The following SOX5 variants were observed in gnomAD, a reference collection of about 807,000 sequenced individuals.
SOX5 encodes transcription factor SOX-5.
In SOX5, 9 loss-of-function variants were observed where a neutral mutation model predicts 92.0. The ratio of observed to expected loss-of-function variants is 0.10; its 90% CI spans 0.06 to 0.17. The LOEUF is 0.17. Among genes scored for constraint, SOX5 ranks in the 10% least tolerant of loss-of-function variants. SOX5 has a pLI of 1.00. For synonymous variants in SOX5, 344 were observed against 336.3 expected, an observed-to-expected ratio of 1.02 and a Z score of -0.25; for missense variants, 642 against 944.5, an observed-to-expected ratio of 0.68 and a Z score of 4.20.
chr12:23,555,318 G>T (rs891684333), intron 11 of SOX5, among the ~76,000 whole-genome samples: 4 of 151,878 alleles, frequency 2.6e-5, no homozygotes, highest in Non-Finnish European at 5.9e-5. Flanking sequence ...GAGGCCTGTG[G>T]GTGTCTCTCT....
Position 24,245,687 on chromosome 12 carries a change from C to T in SOX5, c.-77+31529G>A, listed in dbSNP as rs572905850. 3.5e-4 allele frequency among the ~76,000 whole-genome samples: 54 copies of T among 152,138 alleles called. No homozygotes were observed. In the South Asian group the frequency reaches 0.011, roughly 30 times the overall value. ...ATGGCCCATGTCTAGAATTGGTTTA[C>T]GTGAAAATTAGCTAATTTTTAACAA... On this transcript the variant is annotated intron_variant, in intron 3 of 4. Coordinates refer to the SOX5 transcript ENST00000446891.
chr12:24,033,504 G>A (rs568259325), intron 4 of SOX5, among the ~76,000 whole-genome samples: 1 of 151,982 alleles, frequency 6.6e-6, no homozygotes, highest in East Asian at 1.9e-4. Context: ...ATTTTTTAAA[G>A]TTACAATTTT....
intron 6 of SOX5, among the ~76,000 whole-genome samples, chr12:23,673,991 C>A (rs900733894): frequency 6.6e-6 from 1 of 151,972 alleles, no homozygotes; most frequent in African/African-American, 2.4e-5. Context: ...TTCACTAATA[C>A]CTGAAGCAGG....
Position 23,791,674 on chromosome 12 carries a change from A to G in SOX5, c.482-35950T>C, listed in dbSNP as rs553907306. ...ACTACCACTTTAACCAATAAAAAAAATCAGAGAAGATGAGATCTTATAAAT... is the reference window on the plus strand; with the variant it reads ...ACTACCACTTTAACCAATAAAAAAAGTCAGAGAAGATGAGATCTTATAAAT... On this transcript the variant is annotated intron_variant, in intron 3 of 14. Coordinates refer to ENST00000451604, the MANE Select transcript of SOX5 (RefSeq NM_006940.6). Among the ~76,000 whole-genome samples, 4 of 152,292 alleles carry G rather than the reference A, an allele frequency of 2.6e-5. No homozygotes were observed. The East Asian group carries it at 7.7e-4, about 29-fold the overall frequency.
chr12:24,288,998 T>G (rs1401527809), intron 2 of SOX5, among the ~76,000 whole-genome samples: 1 of 152,222 alleles, frequency 6.6e-6, no homozygotes, highest in Non-Finnish European at 1.5e-5. Flanking sequence ...GACTTTGAAC[T>G]TAGAAACTTA....
intron 4 of SOX5, among the ~76,000 whole-genome samples, chr12:24,078,559 C>A (rs1466358532): frequency 6.6e-6 from 1 of 151,922 alleles, no homozygotes; most frequent in African/African-American, 2.4e-5. Flanking sequence ...GATGACATAA[C>A]CAGATTTGCA....
At chr12:23,538,611 G>A (rs1199292384) in intron 13 of SOX5, among the ~76,000 whole-genome samples, 3 of 151,988 alleles carry the variant, frequency 2.0e-5, no homozygotes, top group Non-Finnish European at 2.9e-5. Context: ...TAGAACAACC[G>A]TTTTCATTGA....
intron 2 of SOX5, among the ~76,000 whole-genome samples, chr12:24,297,115 T>C (rs1204309295): frequency 2.6e-5 from 4 of 152,234 alleles, no homozygotes. Flanking sequence ...GAAACTAAAA[T>C]AGAGTTTAGG....
intron 4 of SOX5, among the ~76,000 whole-genome samples, chr12:24,108,941 T>C (rs1002740348): frequency 1.3e-5 from 2 of 152,286 alleles, no homozygotes; most frequent in East Asian, 3.9e-4. Flanking sequence ...GATTTTTACT[T>C]AAAGATGGTT....
intron 2 of SOX5, among the ~76,000 whole-genome samples, chr12:24,361,545 C>T (rs1169820225): frequency 6.6e-6 from 1 of 151,790 alleles, no homozygotes; most frequent in African/African-American, 2.4e-5. Flanking sequence ...CAGTAAATGA[C>T]AGGTACTCTA....
chr12:23,593,198 A>C (rs1951833155), intron 9 of SOX5, among the ~76,000 whole-genome samples: 1 of 152,218 alleles, frequency 6.6e-6, no homozygotes, highest in East Asian at 1.9e-4. Context: ...AAGACAAGGA[A>C]TATGTGCCTA....
rs146992829 is a variant in SOX5 at position 24,468,022 on chromosome 12, C to T, written c.-251+94307G>A. Among the ~76,000 whole-genome samples the T allele has an allele frequency of 2.1e-3, 312 of 152,192 alleles. 2 individuals are homozygous for T. Among genetic ancestry groups the T allele is most frequent in the African/African-American group, 5.8e-3 (240 of 41,522 alleles). On this transcript the variant is annotated intron_variant, in intron 1 of 4. Transcript: ENST00000446891. ...TAGAATTTCAAGTGGAAATGGGCAA[C>T]GCTGTAGGCAAAAGACACTGGAGTA...
At chr12:23,952,642 T>C (rs560105791), upstream of SOX5, among the ~76,000 whole-genome samples, 81 of 152,334 alleles carry the variant, frequency 5.3e-4, no homozygotes, top group African/African-American at 1.8e-3. Flanking sequence ...CACAATCATC[T>C]ATGCTGAAGG....
chr12:23,839,327 C>T (rs1278124291), intron 3 of SOX5, among the ~76,000 whole-genome samples: 2 of 152,040 alleles, frequency 1.3e-5, no homozygotes, highest in Non-Finnish European at 2.9e-5. Flanking sequence ...AGGCCATATA[C>T]CATATTTCCA....
chr12:23,576,668 C>T (rs1174800202), intron 9 of SOX5, among the ~76,000 whole-genome samples: 2 of 152,008 alleles, frequency 1.3e-5, no homozygotes, highest in Admixed American at 6.6e-5. Context: ...AATTTTAAAT[C>T]GTTCTCTTAG....
chr12:24,556,860 A>T (rs983853872), intron 1 of SOX5, among the ~76,000 whole-genome samples: 2 of 151,570 alleles, frequency 1.3e-5, no homozygotes, highest in African/African-American at 4.9e-5. Context: ...CTCAGCCTCA[A>T]GAAAGTGATA....
chr12:24,300,390 AACTTTT>A lies in SOX5; in HGVS notation c.-173-23084_-173-23079del, dbSNP rs1229295649. ...GCACCATCTGGAATCTTGTAAAATG[AACTTTT>A]ACCTGATGGTTGGTGGCAATTTATT... is the stretch of plus-strand genomic sequence containing the variant. On this transcript the variant is annotated intron_variant, in intron 2 of 4. Transcript: ENST00000446891. 3.9e-5 allele frequency among the ~76,000 whole-genome samples: 6 copies of A among 152,318 alleles called. No homozygotes were observed. In the East Asian group the frequency reaches 1.2e-3, roughly 29 times the overall value.
chr12:23,850,457 A>AT, intron 2 of SOX5, among the ~76,000 whole-genome samples: 1 of 84,492 alleles, frequency 1.2e-5, no homozygotes, highest in East Asian at 6.0e-4. Context: ...TAAATAAAAA[A>AT]AAAATAAATA....
chr12:24,056,675 ATAT>A (rs140435923), intron 4 of SOX5, among the ~76,000 whole-genome samples: 1,592 of 152,222 alleles, frequency 0.01, 7 homozygotes, highest in Non-Finnish European at 0.018. Flanking sequence ...AGGGGGTCAG[ATAT>A]TATATCAAAA....
Sources: gnomAD v4.1 joint callset for allele counts (sites outside exome capture counted in the v4.1 genomes callset) on GRCh38, gnomAD v4.1.1 for gene constraint, MANE v1.5 for transcripts, NCBI Gene and HGNC (gene_info 2026-07-23, HGNC 2026-07-21) for gene names.